EXOC4: variants seen among roughly 807,000 people sequenced by gnomAD.
EXOC4 encodes the protein SEC8-like 1.
A neutral mutation model predicts 107.2 loss-of-function variants in EXOC4; 71 were observed. The ratio of observed to expected loss-of-function variants is 0.66; its 90% CI spans 0.55 to 0.81. The LOEUF is 0.81. Among genes scored for constraint, EXOC4 ranks in the 30% least tolerant of loss-of-function variants. EXOC4 has a pLI of 0.00. For synonymous variants in EXOC4, 456 were observed against 441.2 expected, an observed-to-expected ratio of 1.03 and a Z score of -0.42; for missense variants, 1,108 against 1,189.6, an observed-to-expected ratio of 0.93 and a Z score of 1.01.
intron 10 of EXOC4, among the ~76,000 whole-genome samples, chr7:133,633,704 G>A (rs1031999779): frequency 6.6e-6 from 1 of 152,200 alleles, no homozygotes; most frequent in East Asian, 1.9e-4. Flanking sequence ...GGCAACAAGA[G>A]CGAAACTCCA....
At chr7:133,390,732 A>G (rs577575501) in intron 7 of EXOC4, among the ~76,000 whole-genome samples, 1 of 152,346 alleles carries the variant, frequency 6.6e-6, no homozygotes, top group African/African-American at 2.4e-5. Flanking sequence ...ATGGGAAACT[A>G]CAAAACTTAT....
chr7:134,022,812 G>T (rs1795056842), intron 17 of EXOC4, among the ~76,000 whole-genome samples: 1 of 152,150 alleles, frequency 6.6e-6, no homozygotes, highest in Non-Finnish European at 1.5e-5. Context: ...CTGCACTAAG[G>T]CTAGCTCACT....
At chr7:133,511,413 A>T (rs533873045) in intron 9 of EXOC4, among the ~76,000 whole-genome samples, 1 of 152,292 alleles carries the variant, frequency 6.6e-6, no homozygotes, top group African/African-American at 2.4e-5. Context: ...TTATTTCGTA[A>T]GGGTTGATTA....
rs942912732 is a variant in EXOC4 at position 133,854,416 on chromosome 7, A to G, written c.1734+36872A>G. 8.1e-4 allele frequency among the ~76,000 whole-genome samples: 121 copies of G among 149,114 alleles called. 1 individual carries two copies. The highest frequency in any genetic ancestry group is 2.8e-3 in the African/African-American group (113 of 40,280). On this transcript the variant is annotated intron_variant, in intron 11 of 17. Transcript: ENST00000253861. ...GCTCAGTTGTTGAAAGAGCACACAC[A>G]CACACACACACACACACACACACAC... is the stretch of plus-strand genomic sequence containing the variant.
At chr7:133,440,113 AT>A (rs1197607238) in intron 7 of EXOC4, among the ~76,000 whole-genome samples, 2 of 152,036 alleles carry the variant, frequency 1.3e-5, no homozygotes, top group Non-Finnish European at 1.5e-5. Flanking sequence ...CAGTTTAACC[AT>A]TTCTGAGTCA....
chr7:133,752,307 G>C (rs994064945), intron 10 of EXOC4, among the ~76,000 whole-genome samples: 1 of 152,134 alleles, frequency 6.6e-6, no homozygotes, highest in African/African-American at 2.4e-5. Context: ...AGAGGAAAAA[G>C]CGAAAAAAGC....
chr7:133,997,071 T>G (rs866936477), intron 14 of EXOC4, among the ~76,000 whole-genome samples: 5 of 152,132 alleles, frequency 3.3e-5, no homozygotes, highest in South Asian at 2.1e-4. Flanking sequence ...TTGAAAGGTA[T>G]TGAGTTTCCT....
At chr7:134,010,987 G>C (rs1429477445) in intron 17 of EXOC4, among the ~76,000 whole-genome samples, 1 of 152,106 alleles carries the variant, frequency 6.6e-6, no homozygotes, top group South Asian at 2.1e-4. Flanking sequence ...CAGACAACTT[G>C]TAACATTACC....
intron 14 of EXOC4, among the ~76,000 whole-genome samples, chr7:133,962,220 GA>G (rs1215427917): frequency 6.6e-6 from 1 of 152,098 alleles, no homozygotes; most frequent in Non-Finnish European, 1.5e-5. Context: ...ACTTACTGTG[GA>G]AATACAGGTG....
intron 17 of EXOC4, among the ~76,000 whole-genome samples, chr7:134,052,494 G>A (rs895289467): frequency 2.0e-5 from 3 of 150,890 alleles, no homozygotes; most frequent in African/African-American, 4.9e-5. Context: ...TTTTTTTAAT[G>A]TATGTCAGCA....
chr7:133,823,018 A>C (rs1797562013), intron 11 of EXOC4, among the ~76,000 whole-genome samples: 1 of 152,226 alleles, frequency 6.6e-6, no homozygotes, highest in African/African-American at 2.4e-5. Flanking sequence ...GTACAGGATG[A>C]GCCTACATTT....
chr7:133,276,667 G>A (rs1794000745), intron 2 of EXOC4, among the ~76,000 whole-genome samples: 1 of 152,058 alleles, frequency 6.6e-6, no homozygotes, highest in South Asian at 2.1e-4. Context: ...CACCACTGTG[G>A]GACTGAGTGA....
At chr7:133,857,252 T>C (rs1391384684) in intron 11 of EXOC4, among the ~76,000 whole-genome samples, 1 of 42,292 alleles carries the variant, frequency 2.4e-5, no homozygotes, top group Non-Finnish European at 3.8e-5. Flanking sequence ...CACATATATA[T>C]ATATATATAT....
chr7:133,667,745 A>G (rs1793852076), intron 10 of EXOC4, among the ~76,000 whole-genome samples: 1 of 152,246 alleles, frequency 6.6e-6, no homozygotes, highest in Admixed American at 6.5e-5. Flanking sequence ...ACTTAATAAC[A>G]GGAATTTTCG....
At chr7:133,535,274 C>T (rs1453692211) in intron 9 of EXOC4, among the ~76,000 whole-genome samples, 1 of 152,010 alleles carries the variant, frequency 6.6e-6, no homozygotes, top group Non-Finnish European at 1.5e-5. Flanking sequence ...CCAAAGTTAC[C>T]CTCCCGGTAA....
chr7:133,791,762 G>A (rs1422952654), intron 10 of EXOC4, among the ~76,000 whole-genome samples: 1 of 152,086 alleles, frequency 6.6e-6, no homozygotes, highest in Non-Finnish European at 1.5e-5. Flanking sequence ...CAGAGCTATT[G>A]GCCCATGGTC....
intron 10 of EXOC4, among the ~76,000 whole-genome samples, chr7:133,779,599 T>G (rs1585139162): frequency 6.6e-6 from 1 of 152,278 alleles, no homozygotes; most frequent in East Asian, 1.9e-4. Context: ...AGCTAGAGGT[T>G]TGTAAAATGC....
intron 10 of EXOC4, among the ~76,000 whole-genome samples, chr7:133,692,379 C>T (rs1187539643): frequency 6.6e-6 from 1 of 152,214 alleles, no homozygotes; most frequent in Admixed American, 6.5e-5. Context: ...CTTTTTACAG[C>T]ATCGCAGGCT....
intron 9 of EXOC4, among the ~76,000 whole-genome samples, chr7:133,620,305 G>T (rs939655821): frequency 2.0e-5 from 3 of 152,022 alleles, no homozygotes; most frequent in African/African-American, 7.3e-5. Flanking sequence ...GGAATTACAG[G>T]TGTGAGCCAC....
Sources: gnomAD v4.1 joint callset for allele counts (sites outside exome capture counted in the v4.1 genomes callset) on GRCh38, gnomAD v4.1.1 for gene constraint, MANE v1.5 for transcripts, NCBI Gene and HGNC (gene_info 2026-07-23, HGNC 2026-07-21) for gene names.